The following SPARCL1 variants were observed in gnomAD, a reference collection of about 807,000 sequenced individuals.
SPARCL1 encodes the protein SPARC like 1, also known as SPARC-like protein 1.
In SPARCL1, 52 loss-of-function variants were observed where a neutral mutation model predicts 67.1. That is an observed-to-expected ratio of 0.78 (90% CI 0.62 to 0.98). The LOEUF is 0.98. Ranked by LOEUF, SPARCL1 falls within the 50% of genes least tolerant of loss-of-function variation. The pLI is 0.00. For synonymous variants in SPARCL1, 226 were observed against 267.8 expected, an observed-to-expected ratio of 0.84 and a Z score of 1.52; for missense variants, 717 against 782.4, an observed-to-expected ratio of 0.92 and a Z score of 1.00.
At chr4:87,474,743 C>CT (rs11397474) in intron 10 of SPARCL1, among the ~76,000 whole-genome samples, 2,082 of 130,716 alleles carry the variant, frequency 0.016, 37 homozygotes, top group Middle Eastern at 0.029. Context: ...CTCTCTCTCT[C>CT]TTTTTTTTTT....
rs1160420886 is a variant in SPARCL1, at chr4:87,473,573, TA to T, written c.*201del. The T allele has an allele frequency of 6.6e-6, 3 of 454,794 alleles. No homozygotes were observed. Among genetic ancestry groups the T allele is most frequent in the Non-Finnish European group, 1.2e-5 (3 of 255,486 alleles). 28.2% of individuals were successfully genotyped at this position (454,794 alleles called of 1,614,324 possible). On this transcript the variant is annotated 3_prime_UTR_variant, in exon 11 of 11. Coordinates refer to ENST00000282470, the MANE Select transcript of SPARCL1 (RefSeq NM_004684.6). ...TACAGTATTTTGCATATGTTGACTT[TA>T]CTTAATTGTACATTTTTGTTTCCAA... is the stretch of plus-strand genomic sequence containing the variant.
At chr4:87,474,941 A>T (rs1366681445) in intron 10 of SPARCL1, among the ~76,000 whole-genome samples, 1 of 151,472 alleles carries the variant, frequency 6.6e-6, no homozygotes, top group Non-Finnish European at 1.5e-5. Context: ...ACGGGGTTTC[A>T]CCGTGTTAGC....
At position 87,495,015 on chromosome 4, in the gene SPARCL1, G is replaced by A; in HGVS notation, c.167C>T (p.Thr56Ile). The change falls in exon 3 of 11, where the codon ACA becomes ATA. Residue 56 changes from threonine to isoleucine, a missense_variant. Coordinates refer to ENST00000282470, the MANE Select transcript of SPARCL1 (RefSeq NM_004684.6). ...RAEAEENEKE[T>I]AVSTEDDSHH... Reference sequence around the variant, plus strand: ...GGAATCGTCTTCTGTGGATACTGCTGTTTCTTTTTCATTTTCTTCAGCTTC... The same window carrying A: ...GGAATCGTCTTCTGTGGATACTGCTATTTCTTTTTCATTTTCTTCAGCTTC... 5 of 1,612,318 alleles carry A rather than the reference G, an allele frequency of 3.1e-6. No homozygotes were observed. The highest frequency in any genetic ancestry group is 4.2e-6 in the Non-Finnish European group (5 of 1,179,450).
At position 87,495,021 on chromosome 4, in the gene SPARCL1, T is replaced by C. The variant is rs2110230648; in HGVS notation, c.161A>G (p.Lys54Arg). Residue 54 changes from lysine (K) to arginine (R), a missense_variant, in exon 3 of 11, where the codon AAA (lysine) becomes AGA (arginine). Transcript: ENST00000282470. Reference sequence around the variant, plus strand: ...GTCTTCTGTGGATACTGCTGTTTCTTTTTCATTTTCTTCAGCTTCAGCCCT... The same window carrying C: ...GTCTTCTGTGGATACTGCTGTTTCTCTTTCATTTTCTTCAGCTTCAGCCCT... ...SLRAEAEENE[K>R]ETAVSTEDDS... 1.2e-6 allele frequency: 2 copies of C among 1,612,916 alleles called. No individual in the cohort carries two copies. Among genetic ancestry groups the C allele is most frequent in the East Asian group, 2.2e-5 (1 of 44,830 alleles).
intron 1 of SPARCL1, among the ~76,000 whole-genome samples, chr4:87,520,130 C>T: frequency 6.6e-6 from 1 of 151,640 alleles, no homozygotes. Context: ...GTCCCAGCTA[C>T]TCAGGAGGCT....
intron 2 of SPARCL1, among the ~76,000 whole-genome samples, chr4:87,499,085 A>G (rs1024494939): frequency 1.3e-5 from 2 of 152,152 alleles, no homozygotes; most frequent in Non-Finnish European, 2.9e-5. Context: ...CATGTTGGCC[A>G]GGCTGGTCTT....
intron 10 of SPARCL1, among the ~76,000 whole-genome samples, chr4:87,475,030 C>T (rs1044151071): frequency 6.6e-6 from 1 of 152,204 alleles, no homozygotes; most frequent in Non-Finnish European, 1.5e-5. Flanking sequence ...GCGTGAGCCA[C>T]CGCGCCTGGC....
At chr4:87,475,063 TG>T (rs1236476527) in intron 10 of SPARCL1, among the ~76,000 whole-genome samples, 1 of 152,152 alleles carries the variant, frequency 6.6e-6, no homozygotes, top group Non-Finnish European at 1.5e-5. Context: ...CTTGAGCAAA[TG>T]AATGAGTAAA....
intron 8 of SPARCL1, among the ~76,000 whole-genome samples, chr4:87,481,186 C>G (rs1287047251): frequency 6.6e-6 from 1 of 152,340 alleles, no homozygotes; most frequent in African/African-American, 2.4e-5. Context: ...AGAACCACAA[C>G]TTTGCTCCCT....
intron 1 of SPARCL1, among the ~76,000 whole-genome samples, chr4:87,510,755 G>A (rs538837509): frequency 1.3e-5 from 2 of 152,354 alleles, no homozygotes; most frequent in East Asian, 1.9e-4. Flanking sequence ...AAAGGCGGTC[G>A]CACTGGCCCT....
intron 1 of SPARCL1, among the ~76,000 whole-genome samples, chr4:87,522,677 A>G (rs1033631340): frequency 2.0e-4 from 29 of 143,002 alleles, no homozygotes; most frequent in South Asian, 4.4e-4. Context: ...ACACACACAC[A>G]CACACGCACA....
chr4:87,482,393 C>G, intron 8 of SPARCL1, 31 bp downstream of exon 8: 1 of 1,608,068 alleles, frequency 6.2e-7, no homozygotes, highest in Middle Eastern at 1.7e-4. Flanking sequence ...TGTAGACAGA[C>G]ATTGAAGAAG....
intron 1 of SPARCL1, among the ~76,000 whole-genome samples, chr4:87,509,970 A>C (rs1254484358): frequency 2.6e-5 from 4 of 152,206 alleles, no homozygotes; most frequent in Non-Finnish European, 5.9e-5. Flanking sequence ...GGAGTGGAGA[A>C]AAGAGGGATA....
intron 8 of SPARCL1, among the ~76,000 whole-genome samples, chr4:87,480,851 T>G (rs1723794303): frequency 6.6e-6 from 1 of 150,820 alleles, no homozygotes; most frequent in Admixed American, 6.6e-5. Context: ...CTATGAGGTT[T>G]TAATGAAAAG....
At chr4:87,485,021 T>G (rs1303905415) in intron 7 of SPARCL1, among the ~76,000 whole-genome samples, 1 of 151,960 alleles carries the variant, frequency 6.6e-6, no homozygotes, top group Non-Finnish European at 1.5e-5. Context: ...ACAGGGACAA[T>G]TTGACTTCCT....
chr4:87,499,805 C>A (rs151247642), intron 1 of SPARCL1, among the ~76,000 whole-genome samples: 1 of 152,076 alleles, frequency 6.6e-6, no homozygotes, highest in African/African-American at 2.4e-5. Flanking sequence ...CGGCCATGTT[C>A]GGCAGAACCT....
At chr4:87,523,246 A>G (rs981829601) in intron 1 of SPARCL1, among the ~76,000 whole-genome samples, 9 of 133,240 alleles carry the variant, frequency 6.8e-5, no homozygotes, top group Non-Finnish European at 1.4e-4. Context: ...GGGTGACAGA[A>G]TGAGACTCTG....
At chr4:87,485,419 C>A (rs894950411) in intron 7 of SPARCL1, among the ~76,000 whole-genome samples, 4 of 151,986 alleles carry the variant, frequency 2.6e-5, no homozygotes, top group Admixed American at 1.3e-4. Flanking sequence ...ATGAAGGTGA[C>A]TTGATTGTGG....
chr4:87,494,954 T>C (rs749474725), intron 3 of SPARCL1, 27 bp downstream of exon 3: 1 of 1,561,594 alleles, frequency 6.4e-7, no homozygotes, highest in East Asian at 2.2e-5. Flanking sequence ...TAAAAAATTG[T>C]ATTAATATAA....
Sources: allele counts gnomAD v4.1 joint callset (sites outside exome capture counted in the v4.1 genomes callset), GRCh38; gene constraint gnomAD v4.1.1; transcripts MANE v1.5; gene names NCBI Gene and HGNC (gene_info 2026-07-23, HGNC 2026-07-21).